Variants in EMP1 observed in about 807,000 individuals in gnomAD.
EMP1 encodes the protein tumor-associated membrane protein.
In EMP1, 5 loss-of-function variants were observed where a neutral mutation model predicts 15.7. That is an observed-to-expected ratio of 0.32 (90% CI 0.17 to 0.67). The LOEUF is 0.67. EMP1 is among the 30% of genes least tolerant of loss of function. The probability of loss-of-function intolerance (pLI) is 0.74; values close to 1 mark genes in which losing one functional copy is unlikely to be tolerated. For synonymous variants in EMP1, 78 were observed against 76.7 expected, an observed-to-expected ratio of 1.02 and a Z score of -0.09; for missense variants, 166 against 194.2, an observed-to-expected ratio of 0.85 and a Z score of 0.86.
intron 1 of EMP1, among the ~76,000 whole-genome samples, chr12:13,199,690 G>A (rs1035407032): frequency 3.3e-5 from 5 of 151,998 alleles, no homozygotes; most frequent in Admixed American, 1.3e-4. Context: ...TTCCAGATGC[G>A]GGGAGCTCAG....
intron 1 of EMP1, among the ~76,000 whole-genome samples, chr12:13,198,983 G>A (rs1017635921): frequency 6.9e-6 from 1 of 143,976 alleles, no homozygotes; most frequent in Non-Finnish European, 1.5e-5. Flanking sequence ...ACCCTCAGGG[G>A]CAGATCCAAT....
chr12:13,217,507 AT>A lies in EMP1; in HGVS notation c.*2819del, dbSNP rs1864224944. The A allele has an allele frequency of 6.6e-6, 1 of 152,186 alleles. No homozygotes were observed. The highest frequency in any genetic ancestry group is 2.1e-4 in the South Asian group (1 of 4,826). 9.4% of individuals were successfully genotyped at this position (152,186 alleles called of 1,614,324 possible). A position where few individuals can be genotyped will look rare whatever the true frequency, so the allele number is the denominator to read the frequency against. On this transcript the variant is annotated 3_prime_UTR_variant, in exon 5 of 5. Transcript: ENST00000256951. Reference sequence around the variant, plus strand: ...TGATGCTTTCTTAGAGGCCTACATGATTTCTTAGATTGCTCTGATAAACTAT... The same window carrying A: ...TGATGCTTTCTTAGAGGCCTACATGATTCTTAGATTGCTCTGATAAACTAT...
rs931439060 is a variant in EMP1 at position 13,215,667 on chromosome 12, G to A, written c.*976G>A. ...CTCTTCCTCTAACATTTTTGAGGAAGTTTTGTCTAATTATCAATATTGAGG... is the reference window on the plus strand; with the variant it reads ...CTCTTCCTCTAACATTTTTGAGGAAATTTTGTCTAATTATCAATATTGAGG... On this transcript the variant is annotated 3_prime_UTR_variant, in exon 5 of 5. Transcript: ENST00000256951. The A allele has an allele frequency of 6.6e-6, 1 of 152,428 alleles. No homozygotes were observed. Among genetic ancestry groups the A allele is most frequent in the African/African-American group, 2.4e-5 (1 of 41,464 alleles). 9.4% of individuals were successfully genotyped at this position (152,428 alleles called of 1,614,324 possible).
rs1026626169 is a variant in EMP1, at chr12:13,216,716, T to C, written c.*2025T>C. On this transcript the variant is annotated 3_prime_UTR_variant, in exon 5 of 5. Coordinates refer to ENST00000256951, the MANE Select transcript of EMP1 (RefSeq NM_001423.3). ...TTATTTCATATACTATAATTGTAAA[T>C]ATTTTGATACAAATGTTTATAACTC... The C allele has an allele frequency of 5.2e-6, 2 of 386,704 alleles. No individual in the cohort carries two copies. The highest frequency in any genetic ancestry group is 9.2e-6 in the Non-Finnish European group (2 of 218,562). The allele number at this position is 386,704 out of a possible 1,614,324, so 24.0% of individuals were successfully genotyped here.
chr12:13,204,345 T>A (rs1864091764), intron 1 of EMP1, among the ~76,000 whole-genome samples: 1 of 152,162 alleles, frequency 6.6e-6, no homozygotes, highest in Non-Finnish European at 1.5e-5. Flanking sequence ...CCAGAGAGGC[T>A]CATCCAAGGT....
At chr12:13,203,192 G>A (rs1864081729) in intron 1 of EMP1, among the ~76,000 whole-genome samples, 1 of 152,210 alleles carries the variant, frequency 6.6e-6, no homozygotes, top group Non-Finnish European at 1.5e-5. Context: ...AAGCGCCGCT[G>A]GGGCCGGGCC....
In EMP1 at chr12:13,211,680, C is replaced by A. The variant is rs894156133; in HGVS notation, c.78+92C>A. Reference sequence around the variant, plus strand: ...AAAGAAGTTTAAGCCACAGCCCTTGCCCTTCATGAACTTACAGCTCAGTTG... The same window carrying A: ...AAAGAAGTTTAAGCCACAGCCCTTGACCTTCATGAACTTACAGCTCAGTTG... On this transcript the variant is annotated intron_variant, in intron 2 of 4. Transcript: ENST00000256951. The surrounding 1 kb of genome is among the most constrained non-coding windows in gnomAD (Gnocchi z 4.7). The A allele has an allele frequency of 4.2e-6, 6 of 1,423,912 alleles. No homozygotes were observed. In the African/African-American group the frequency reaches 7.1e-5, roughly 17 times the overall value. The allele number at this position is 1,423,912 out of a possible 1,614,324, so 88.2% of individuals were successfully genotyped here.
chr12:13,198,247 G>C (rs1010017065), intron 1 of EMP1, among the ~76,000 whole-genome samples: 1 of 152,206 alleles, frequency 6.6e-6, no homozygotes, highest in African/African-American at 2.4e-5. Flanking sequence ...ATGAAGAAGG[G>C]TGCTTTTTCT....
In EMP1 at chr12:13,213,889, A is replaced by G. The variant is rs530800191; in HGVS notation, c.316+68A>G. ...CATCTTACCATGGGTGTTTCTGGCA[A>G]CTTGAACAGATTAGCACATGGTTCA... On this transcript the variant is annotated intron_variant, in intron 4 of 4. Transcript: ENST00000256951. The G allele has an allele frequency of 1.0e-5, 16 of 1,597,420 alleles. No homozygotes were observed. In the Admixed American group the frequency reaches 2.3e-4, roughly 23 times the overall value.
chr12:13,214,004 G>T (rs1591710664), intron 4 of EMP1, 183 bp downstream of exon 4: 1 of 904,640 alleles, frequency 1.1e-6, no homozygotes, highest in Non-Finnish European at 1.8e-6. Flanking sequence ...ACCCTCATCT[G>T]CTTCATTGTT....
intron 1 of EMP1, among the ~76,000 whole-genome samples, chr12:13,202,304 C>T (rs1864072919): frequency 6.6e-6 from 1 of 152,186 alleles, no homozygotes; most frequent in South Asian, 2.1e-4. Context: ...TCTTTGGTAT[C>T]ATTTTAGTTT....
chr12:13,214,706 A>C lies in EMP1; in HGVS notation c.*15A>C. The C allele has an allele frequency of 6.5e-7, 1 of 1,545,262 alleles. No individual in the cohort carries two copies. Among genetic ancestry groups the C allele is most frequent in the Non-Finnish European group, 8.8e-7 (1 of 1,139,176 alleles). ...GAAAGAAATAAGGCCGGACGAGTTC[A>C]TGGGGATCTGGGGGGTGGGGAGGAG... On this transcript the variant is annotated 3_prime_UTR_variant, in exon 5 of 5. Transcript: ENST00000256951.
chr12:13,197,836 G>A (rs1287652288), intron 1 of EMP1, among the ~76,000 whole-genome samples: 2 of 152,240 alleles, frequency 1.3e-5, no homozygotes, highest in South Asian at 4.2e-4. Context: ...GAGAGAAAGA[G>A]AGGGAGGCAA....
intron 1 of EMP1, among the ~76,000 whole-genome samples, chr12:13,204,331 G>A (rs4597146): frequency 0.84 from 127,655 of 152,098 alleles, 54,390 homozygotes; most frequent in East Asian, 1. Flanking sequence ...AACAATAACA[G>A]TGGCCAGAGA....
At chr12:13,198,282 G>A (rs958551683) in intron 1 of EMP1, among the ~76,000 whole-genome samples, 1 of 150,774 alleles carries the variant, frequency 6.6e-6, no homozygotes, top group Non-Finnish European at 1.5e-5. Context: ...TCTTTTTTTC[G>A]GTTAGCATTT....
chr12:13,208,723 G>A (rs376076077), intron 1 of EMP1, among the ~76,000 whole-genome samples: 7 of 152,186 alleles, frequency 4.6e-5, no homozygotes, highest in African/African-American at 1.4e-4. Flanking sequence ...GCTTCTTTCC[G>A]TGGTGAAAAG....
At position 13,214,610 on chromosome 12, in the gene EMP1, C is replaced by G; in HGVS notation, c.393C>G (p.Gly131=). ...ANRDGTQYHH[G]YSYILGWICF... is the part of the protein sequence containing the mutation. ...GTGATGGAACGCAGTATCACCACGG[C>G]TATTCCTACATCCTGGGCTGGATCT... The change falls in exon 5 of 5, where the codon GGC becomes GGG. Residue 131 remains glycine, a synonymous_variant. Coordinates refer to ENST00000256951, the MANE Select transcript of EMP1 (RefSeq NM_001423.3). 1 of 1,614,016 alleles carries G rather than the reference C, an allele frequency of 6.2e-7. No individual in the cohort carries two copies. The highest frequency in any genetic ancestry group is 8.5e-7 in the Non-Finnish European group (1 of 1,180,010).
chr12:13,213,497 A>AC lies in EMP1; in HGVS notation c.98dup (p.Val34GlyfsTer15). ...GTTTCAGGTCTGGTTGGTTTCCAATACGGTAGATGCATCAGTAGGTCTTTG... is the reference window on the plus strand; with the variant it reads ...GTTTCAGGTCTGGTTGGTTTCCAATACCGGTAGATGCATCAGTAGGTCTTTG... On this transcript the variant is annotated frameshift_variant, in exon 3 of 5. Transcript: ENST00000256951. LOFTEE classifies it high-confidence loss of function. 11 of 1,614,218 alleles carry AC rather than the reference A, an allele frequency of 6.8e-6. No individual in the cohort carries two copies. Among genetic ancestry groups the AC allele is most frequent in the Non-Finnish European group, 9.3e-6 (11 of 1,180,030 alleles).
Position 13,216,337 on chromosome 12 carries a change from C to A in EMP1, c.*1646C>A. 2.9e-6 allele frequency: 2 copies of A among 699,538 alleles called. No homozygotes were observed. Among genetic ancestry groups the A allele is most frequent in the Non-Finnish European group, 5.2e-6 (2 of 383,804 alleles). 43.3% of individuals were successfully genotyped at this position (699,538 alleles called of 1,614,324 possible). ...TGGTATTTATGTAAAAGGATTATTA[C>A]TAATTCTATTTCTCTATGTTTATTC... On this transcript the variant is annotated 3_prime_UTR_variant, in exon 5 of 5. Coordinates refer to ENST00000256951, the MANE Select transcript of EMP1 (RefSeq NM_001423.3).
Sources: gnomAD v4.1 joint callset for allele counts (sites outside exome capture counted in the v4.1 genomes callset) on GRCh38, gnomAD v4.1.1 for gene constraint, Gnocchi (gnomAD v3.1) non-coding constraint, MANE v1.5 for transcripts, NCBI Gene and HGNC (gene_info 2026-07-23, HGNC 2026-07-21) for gene names.